ZBTB10: variants seen among roughly 807,000 people sequenced by gnomAD.
ZBTB10 encodes zinc finger and BTB domain containing 10, also known as zinc finger and BTB domain-containing protein 10.
In ZBTB10, 32 loss-of-function variants were observed where a neutral mutation model predicts 76.4. That is an observed-to-expected ratio of 0.42 (90% CI 0.32 to 0.56). The LOEUF is 0.56. Ranked by LOEUF, ZBTB10 falls within the 20% of genes least tolerant of loss-of-function variation. The probability of loss-of-function intolerance (pLI) is 0.14; values close to 1 mark genes in which losing one functional copy is unlikely to be tolerated. For synonymous variants in ZBTB10, 523 were observed against 432.9 expected, an observed-to-expected ratio of 1.21 and a Z score of -2.58; for missense variants, 1,057 against 1,098.5, an observed-to-expected ratio of 0.96 and a Z score of 0.53.
rs373751315 is a variant in ZBTB10 at position 80,493,847 on chromosome 8, C to A, written c.973-5647C>A. On this transcript the variant is annotated intron_variant, in intron 1 of 5. Coordinates refer to ENST00000455036, the MANE Select transcript of ZBTB10 (RefSeq NM_001105539.3). ...CTCAAAAATAAAAAATAAAAAATAA[C>A]CTGAATAACCATCGTCTGTCTGCTC... is the stretch of plus-strand genomic sequence containing the variant. Among the ~76,000 whole-genome samples the A allele has an allele frequency of 6.6e-5, 10 of 152,164 alleles. No homozygotes were observed. In the East Asian group the frequency reaches 1.9e-3, roughly 29 times the overall value.
At position 80,486,238 on chromosome 8, in the gene ZBTB10, A is replaced by C; in HGVS notation, c.-573A>C. ...CGGTCCGTTGTTCATTTGCCATTCG[A>C]CCTCCGCCAGGGCCTGGTCGGACGG... On this transcript the variant is annotated 5_prime_UTR_variant, in exon 1 of 6. Transcript: ENST00000455036. 1 of 1,020,704 alleles carries C rather than the reference A, an allele frequency of 9.8e-7. No homozygotes were observed. The highest frequency in any genetic ancestry group is 1.2e-6 in the Non-Finnish European group (1 of 855,360). The allele number at this position is 1,020,704 out of a possible 1,614,324, so 63.2% of individuals were successfully genotyped here.
In ZBTB10 at chr8:80,487,420, T is replaced by G; in HGVS notation, c.610T>G (p.Cys204Gly). Reference sequence around the variant, plus strand: ...CGGCAGCGGGGCGGAAGGCGGCAGCTGCAGCAGCAGCAGGCGGTCGGGCGG... The same window carrying G: ...CGGCAGCGGGGCGGAAGGCGGCAGCGGCAGCAGCAGCAGGCGGTCGGGCGG... The part of the protein sequence containing the change: ...GDGSGAEGGS[C>G]SSSRRSGGDG... The change falls in exon 1 of 6, where the codon TGC becomes GGC. Residue 204 changes from cysteine to glycine, a missense_variant. Coordinates refer to ENST00000455036, the MANE Select transcript of ZBTB10 (RefSeq NM_001105539.3). 1.3e-6 allele frequency: 2 copies of G among 1,542,148 alleles called. No individual in the cohort carries two copies. The highest frequency in any genetic ancestry group is 2.4e-5 in the South Asian group (2 of 82,902).
chr8:80,512,702 AC>A (rs1816226032), intron 2 of ZBTB10, among the ~76,000 whole-genome samples: 1 of 152,024 alleles, frequency 6.6e-6, no homozygotes, highest in South Asian at 2.1e-4. Flanking sequence ...ACAGAGGGAG[AC>A]CCTGTCTCCA....
chr8:80,497,940 C>T (rs183029810), intron 1 of ZBTB10, among the ~76,000 whole-genome samples: 1 of 151,972 alleles, frequency 6.6e-6, no homozygotes, highest in African/African-American at 2.4e-5. Context: ...GGATTACAGG[C>T]GTGAGCCACC....
intron 2 of ZBTB10, among the ~76,000 whole-genome samples, chr8:80,505,310 A>AT (rs987910100): frequency 6.6e-6 from 1 of 152,236 alleles, no homozygotes. Flanking sequence ...CTCCAGTGGG[A>AT]TTTTTTTATG....
chr8:80,517,769 A>G (rs182993584), intron 3 of ZBTB10, among the ~76,000 whole-genome samples: 2 of 150,884 alleles, frequency 1.3e-5, no homozygotes, highest in East Asian at 3.9e-4. Context: ...AAAAGCAACT[A>G]TTAGGAGTTC....
intron 1 of ZBTB10, among the ~76,000 whole-genome samples, chr8:80,493,297 G>A (rs1015529519): frequency 6.6e-6 from 1 of 151,956 alleles, no homozygotes; most frequent in African/African-American, 2.4e-5. Context: ...TTTGGTTGCT[G>A]TGCAGGATGA....
rs1816537981 is a variant in ZBTB10, at chr8:80,525,240, G to C, written c.*5712G>C. The C allele has an allele frequency of 6.6e-6, 1 of 152,042 alleles. No homozygotes were observed. Among genetic ancestry groups the C allele is most frequent in the African/African-American group, 2.4e-5 (1 of 41,408 alleles). The allele number at this position is 152,042 out of a possible 1,614,324, so 9.4% of individuals were successfully genotyped here. On this transcript the variant is annotated 3_prime_UTR_variant, in exon 6 of 6. Transcript: ENST00000455036. ...AAAACTAAAGGTACTTCAGAATTTA[G>C]GCTATGACATAACTGTCTTTCTGAA...
Position 80,500,003 on chromosome 8 carries a change from G to C in ZBTB10, c.1482G>C (p.Arg494=). ...PVNRDGLSSS[R]DQKIASFWAT... is the part of the protein sequence containing the mutation. ...ATAGAGATGGTCTGTCTTCATCACG[G>C]GATCAAAAAATTGCCAGTTTTTGGG... Residue 494 remains arginine, a synonymous_variant, in exon 2 of 6, where the codon CGG becomes CGC. Coordinates refer to ENST00000455036, the MANE Select transcript of ZBTB10 (RefSeq NM_001105539.3). The C allele has an allele frequency of 6.2e-7, 1 of 1,613,848 alleles. No individual in the cohort carries two copies. Among genetic ancestry groups the C allele is most frequent in the East Asian group, 2.2e-5 (1 of 44,882 alleles).
At chr8:80,491,757 A>G (rs1815637050) in intron 1 of ZBTB10, among the ~76,000 whole-genome samples, 1 of 152,246 alleles carries the variant, frequency 6.6e-6, no homozygotes, top group African/African-American at 2.4e-5. Flanking sequence ...AAATTCCTTA[A>G]TAACAGTGAT....
rs781554609 is a variant in ZBTB10, at chr8:80,499,721, C to T, written c.1200C>T (p.Ser400=). The T allele has an allele frequency of 5.6e-6, 9 of 1,613,926 alleles. No individual in the cohort carries two copies. The highest frequency in any genetic ancestry group is 6.8e-6 in the Non-Finnish European group (8 of 1,179,872). ...KTLYCFSNKE[S]PNQNNTTHLD... ...TATATTGCTTTTCAAACAAAGAAAG[C>T]CCTAACCAAAACAATACTACCCACT... Residue 400 remains serine (S), a synonymous_variant, in exon 2 of 6, where the codon AGC becomes AGT. Transcript: ENST00000455036.
intron 2 of ZBTB10, among the ~76,000 whole-genome samples, chr8:80,511,961 G>A (rs556425713): frequency 6.6e-6 from 1 of 152,048 alleles, no homozygotes; most frequent in Admixed American, 6.6e-5. Flanking sequence ...TAAATACTAG[G>A]AAAATACCTA....
Position 80,486,312 on chromosome 8 carries a change from C to T in ZBTB10, c.-499C>T. On this transcript the variant is annotated 5_prime_UTR_variant, in exon 1 of 6. Coordinates refer to ENST00000455036, the MANE Select transcript of ZBTB10 (RefSeq NM_001105539.3). ...CGCTTCGTTATGTGGCGGAGCCGAG[C>T]AGTTTAGCGTGCCTCTCACCCTCAG... 9.9e-7 allele frequency: 1 copy of T among 1,005,092 alleles called. No homozygotes were observed. The highest frequency in any genetic ancestry group is 1.2e-6 in the Non-Finnish European group (1 of 843,818). The allele number at this position is 1,005,092 out of a possible 1,614,324, so 62.3% of individuals were successfully genotyped here.
rs1815475124 is a variant in ZBTB10, at chr8:80,486,818, T to A, written c.8T>A (p.Phe3Tyr). 6 of 1,469,214 alleles carry A rather than the reference T, an allele frequency of 4.1e-6. No homozygotes were observed. The highest frequency in any genetic ancestry group is 3.6e-6 in the Non-Finnish European group (4 of 1,113,816). The allele number at this position is 1,469,214 out of a possible 1,614,324, so 91.0% of individuals were successfully genotyped here. A position where few individuals can be genotyped will look rare whatever the true frequency, so the allele number is the denominator to read the frequency against. MSFSEMNRRTLAF... is the reference protein window; with the variant it reads MSYSEMNRRTLAF... ...GCGGCGGCGGCGCGCGCCATGTCGTTCAGTGAAATGAACCGCAGGACGCTG... is the reference window on the plus strand; with the variant it reads ...GCGGCGGCGGCGCGCGCCATGTCGTACAGTGAAATGAACCGCAGGACGCTG... The change falls in exon 1 of 6, where the codon TTC (phenylalanine) becomes TAC (tyrosine). Residue 3 changes from phenylalanine (F) to tyrosine (Y), a missense_variant. Physicochemically the swap from Phe to Tyr is conservative, Grantham distance 22. Transcript: ENST00000455036.
chr8:80,515,436 A>T (rs1024869676), intron 3 of ZBTB10, among the ~76,000 whole-genome samples: 5 of 152,216 alleles, frequency 3.3e-5, no homozygotes, highest in Non-Finnish European at 7.3e-5. Context: ...AACTGCCTTA[A>T]GGTGGTTTCC....
chr8:80,486,987 T>C lies in ZBTB10; in HGVS notation c.177T>C (p.Asn59=). 6.6e-7 allele frequency: 1 copy of C among 1,511,788 alleles called. No individual in the cohort carries two copies. The highest frequency in any genetic ancestry group is 1.5e-5 in the African/African-American group (1 of 68,804). 93.6% of individuals were successfully genotyped at this position (1,511,788 alleles called of 1,614,324 possible). Residue 59 remains asparagine (N), a synonymous_variant, in exon 1 of 6, where the codon AAT becomes AAC. Coordinates refer to ENST00000455036, the MANE Select transcript of ZBTB10 (RefSeq NM_001105539.3). ...PPAPPALQPP[N]GRGADEEVEL... is the part of the protein sequence containing the mutation. Reference sequence around the variant, plus strand: ...CGCCGCCCGCGCTTCAGCCGCCTAATGGGCGGGGGGCCGACGAGGAAGTGG... The same window carrying C: ...CGCCGCCCGCGCTTCAGCCGCCTAACGGGCGGGGGGCCGACGAGGAAGTGG...
chr8:80,516,893 G>T (rs1010208206), intron 3 of ZBTB10, among the ~76,000 whole-genome samples: 9 of 152,278 alleles, frequency 5.9e-5, no homozygotes, highest in Middle Eastern at 3.4e-3. Flanking sequence ...TTTTAAAACC[G>T]TGATGCCCAT....
chr8:80,507,963 A>G (rs948876475), intron 2 of ZBTB10, among the ~76,000 whole-genome samples: 1 of 152,202 alleles, frequency 6.6e-6, no homozygotes, highest in Non-Finnish European at 1.5e-5. Context: ...ATGCATAAGA[A>G]TCTTCAGTAT....
chr8:80,505,529 G>T (rs1585852060), intron 2 of ZBTB10, among the ~76,000 whole-genome samples: 2 of 152,066 alleles, frequency 1.3e-5, no homozygotes, highest in African/African-American at 4.8e-5. Context: ...TAACCTGGAA[G>T]TTTCTTTCAC....
Sources: gnomAD v4.1 joint callset for allele counts (sites outside exome capture counted in the v4.1 genomes callset) on GRCh38, gnomAD v4.1.1 for gene constraint, MANE v1.5 for transcripts, NCBI Gene and HGNC (gene_info 2026-07-23, HGNC 2026-07-21) for gene names.